Variants in AMZ1 observed in about 807,000 individuals in gnomAD.
AMZ1 encodes the protein archaelysin family metallopeptidase 1.
AMZ1 carries 39 observed loss-of-function variants against 29.9 expected under a neutral mutation model. That is an observed-to-expected ratio of 1.30 (90% CI 1.01 to 1.70). The LOEUF is 1.70. AMZ1 is among the 40% of genes most tolerant of loss of function. The pLI is 0.00. For synonymous variants in AMZ1, 458 were observed against 304.0 expected (o/e 1.51, Z -5.27); for missense variants, 1,041 against 680.6 (o/e 1.53, Z -5.89).
upstream of AMZ1, chr7:2,760,207 C>T (rs528844893): frequency 6.6e-6 from 1 of 152,420 alleles, no homozygotes; most frequent in East Asian, 1.9e-4. Flanking sequence ...TGAAGACACA[C>T]CCAACGCGTG....
chr7:2,692,108 A>C (rs1203975326), intron 1 of AMZ1, among the ~76,000 whole-genome samples: 3 of 152,198 alleles, frequency 2.0e-5, no homozygotes, highest in Admixed American at 6.5e-5. Flanking sequence ...TACAAAAATA[A>C]GCTGGTGAGT....
rs116358380 is a variant in AMZ1 at position 2,734,539 on chromosome 7, G to T, written n.550+24723G>T. On this transcript the variant is annotated intron_variant and non_coding_transcript_variant, in intron 4 of 4. Coordinates refer to the AMZ1 transcript ENST00000489665. ...AGAGAAGGCCATCAGAATGGACTACGTGATGGCGCTGAAGCTCGTGGCGTT... is the reference window on the plus strand; with the variant it reads ...AGAGAAGGCCATCAGAATGGACTACTTGATGGCGCTGAAGCTCGTGGCGTT... Among the ~76,000 whole-genome samples the T allele has an allele frequency of 1.3e-3, 199 of 152,320 alleles. 2 individuals are homozygous for T. The highest frequency in any genetic ancestry group is 4.4e-3 in the African/African-American group (185 of 41,584).
intron 3 of AMZ1, among the ~76,000 whole-genome samples, chr7:2,707,636 C>T (rs1375675665): frequency 6.6e-6 from 1 of 152,042 alleles, no homozygotes; most frequent in Admixed American, 6.6e-5. Context: ...CAGGAGCGCC[C>T]CCACTGCCCA....
chr7:2,710,082 C>T (rs375986199), intron 6 of AMZ1, among the ~76,000 whole-genome samples: 4 of 152,224 alleles, frequency 2.6e-5, no homozygotes, highest in East Asian at 1.9e-4. Context: ...GGGCTTTTCT[C>T]CCTCTGTCAG....
intron 1 of AMZ1, among the ~76,000 whole-genome samples, chr7:2,681,981 G>T (rs1786898659): frequency 1.3e-5 from 2 of 152,222 alleles, no homozygotes; most frequent in South Asian, 4.1e-4. Flanking sequence ...GGTCCTGGGG[G>T]AGCGGGCTAA....
chr7:2,726,950 C>T (rs1344200512), intron 4 of AMZ1, among the ~76,000 whole-genome samples: 1 of 152,210 alleles, frequency 6.6e-6, no homozygotes, highest in African/African-American at 2.4e-5. Flanking sequence ...CGTCAAGGTC[C>T]TTCCCCTCCC....
chr7:2,716,658 C>T lies in AMZ1; in HGVS notation c.*3780C>T, dbSNP rs1789139111. 1.3e-5 allele frequency: 2 copies of T among 152,254 alleles called. No homozygotes were observed. Among genetic ancestry groups the T allele is most frequent in the Non-Finnish European group, 2.9e-5 (2 of 68,054 alleles). The allele number at this position is 152,254 out of a possible 1,614,324, so 9.4% of individuals were successfully genotyped here. On this transcript the variant is annotated 3_prime_UTR_variant, in exon 7 of 7. Coordinates refer to ENST00000683327, the MANE Select transcript of AMZ1 (RefSeq NM_001384743.1). ...AGTGCCAAGGGAGCTGCTCTGCAGA[C>T]CCACCAGGCAGGGACGGCCAGGCCT...
At chr7:2,683,309 C>T (rs975743712), upstream of AMZ1, among the ~76,000 whole-genome samples, 1 of 152,172 alleles carries the variant, frequency 6.6e-6, no homozygotes, top group Non-Finnish European at 1.5e-5. Context: ...AGGGGAAGGT[C>T]CTTCCTGCCT....
rs1324178255 is a variant in AMZ1 at position 2,715,318 on chromosome 7, C to A, written c.*2440C>A. 6.6e-6 allele frequency: 1 copy of A among 152,414 alleles called. No individual in the cohort carries two copies. Among genetic ancestry groups the A allele is most frequent in the Non-Finnish European group, 1.5e-5 (1 of 68,056 alleles). The allele number at this position is 152,414 out of a possible 1,614,324, so 9.4% of individuals were successfully genotyped here. ...GTCAGTCAGCCCCACTCGGCGTTCA[C>A]TGTGGGGATTTGGCTGGTGCACCTG... On this transcript the variant is annotated 3_prime_UTR_variant, in exon 7 of 7. Coordinates refer to ENST00000683327, the MANE Select transcript of AMZ1 (RefSeq NM_001384743.1).
chr7:2,742,391 T>C (rs1313215861), intron 4 of AMZ1, among the ~76,000 whole-genome samples: 2 of 152,194 alleles, frequency 1.3e-5, no homozygotes, highest in East Asian at 1.9e-4. Context: ...GTGTTTAACA[T>C]GACAGTTTCG....
intron 4 of AMZ1, among the ~76,000 whole-genome samples, chr7:2,736,576 T>G (rs926919662): frequency 6.6e-6 from 1 of 152,168 alleles, no homozygotes; most frequent in African/African-American, 2.4e-5. Context: ...ATATGGGGCC[T>G]GTGCACCTGT....
intron 5 of AMZ1, 55 bp downstream of exon 5, chr7:2,709,299 C>G (rs1048744623): frequency 6.9e-7 from 1 of 1,445,262 alleles, no homozygotes. Flanking sequence ...TGTCTGAGCC[C>G]TTGGTGCCTC....
intron 6 of AMZ1, among the ~76,000 whole-genome samples, chr7:2,712,128 T>G (rs1459841279): frequency 6.6e-6 from 1 of 152,008 alleles, no homozygotes; most frequent in African/African-American, 2.4e-5. Context: ...CTCTTGGGGG[T>G]GGGTACCTCT....
chr7:2,761,355 C>T (rs1791546175), upstream of AMZ1, among the ~76,000 whole-genome samples: 1 of 152,252 alleles, frequency 6.6e-6, no homozygotes, highest in Admixed American at 6.5e-5. Flanking sequence ...GGTGGGCACG[C>T]AGATGGCAGC....
chr7:2,745,313 C>T (rs997000573), intron 4 of AMZ1, among the ~76,000 whole-genome samples: 33 of 152,236 alleles, frequency 2.2e-4, no homozygotes, highest in Non-Finnish European at 3.8e-4. Flanking sequence ...AGACTAACAG[C>T]TGATCTCTTG....
At chr7:2,725,688 C>T (rs939199519) in intron 4 of AMZ1, among the ~76,000 whole-genome samples, 4 of 152,218 alleles carry the variant, frequency 2.6e-5, no homozygotes, top group Non-Finnish European at 5.9e-5. Flanking sequence ...CCCCGAAAAC[C>T]GTAGACTCTG....
chr7:2,761,400 C>T (rs559808509), upstream of AMZ1, among the ~76,000 whole-genome samples: 31 of 152,370 alleles, frequency 2.0e-4, no homozygotes, highest in African/African-American at 7.0e-4. Flanking sequence ...CTGTGCCACA[C>T]AGACTCCCAA....
rs1209027917 is a variant in AMZ1 at position 2,741,052 on chromosome 7, A to G, written n.551-23660A>G. 2.6e-5 allele frequency among the ~76,000 whole-genome samples: 4 copies of G among 151,900 alleles called. No individual in the cohort carries two copies. In the East Asian group the frequency reaches 7.7e-4, roughly 29 times the overall value. ...AGAGCGAGACTCCGTCTCAAAACAA[A>G]CAAACAAACAAACAAACAAATAATC... On this transcript the variant is annotated intron_variant and non_coding_transcript_variant, in intron 4 of 4. Transcript: ENST00000489665.
chr7:2,683,056 G>T (rs1033881720), intron 1 of AMZ1, among the ~76,000 whole-genome samples: 11 of 152,252 alleles, frequency 7.2e-5, no homozygotes, highest in African/African-American at 2.7e-4. Context: ...GCTCGAGTTT[G>T]CTGGGTGAGC....
Sources: allele counts gnomAD v4.1 joint callset (sites outside exome capture counted in the v4.1 genomes callset), GRCh38; gene constraint gnomAD v4.1.1; transcripts MANE v1.5; gene names NCBI Gene and HGNC (gene_info 2026-07-23, HGNC 2026-07-21).